Variants in ODAD2 observed in about 807,000 individuals in gnomAD.
ODAD2 encodes the protein outer dynein arm docking complex subunit 2, also known as outer dynein arm-docking complex subunit 2.
Under a neutral mutation model 106.8 loss-of-function variants are expected in ODAD2, and 89 were observed. The ratio of observed to expected loss-of-function variants is 0.83; its 90% CI spans 0.70 to 0.99. The LOEUF (loss-of-function observed/expected upper bound fraction) is 0.99, where lower values mean the gene tolerates loss of function less well. Ranked by LOEUF, ODAD2 falls within the 50% of genes least tolerant of loss-of-function variation. The probability of loss-of-function intolerance (pLI) is 0.00; values close to 1 mark genes in which losing one functional copy is unlikely to be tolerated. For missense variants in ODAD2, 1,168 were observed against 1,238.5 expected (o/e 0.94, Z 0.85); for synonymous variants, 404 against 436.2 (o/e 0.93, Z 0.92).
chr10:27,859,263 A>G (rs1010717138), intron 19 of ODAD2, among the ~76,000 whole-genome samples: 4 of 149,840 alleles, frequency 2.7e-5, no homozygotes, highest in Non-Finnish European at 4.4e-5. Flanking sequence ...CTTAGTTTAA[A>G]AGATGCTTTG....
At chr10:27,895,479 G>C (rs1199033396) in intron 17 of ODAD2, among the ~76,000 whole-genome samples, 2 of 152,126 alleles carry the variant, frequency 1.3e-5, no homozygotes, top group Non-Finnish European at 2.9e-5. Flanking sequence ...GTAGAGATGG[G>C]GTTTTGCCAT....
intron 10 of ODAD2, among the ~76,000 whole-genome samples, chr10:27,955,696 G>GGTGTGT (rs56731384): frequency 0.017 from 2,384 of 142,956 alleles, 26 homozygotes; most frequent in Middle Eastern, 0.021. Context: ...AACCAATTAA[G>GGTGTGT]GTGTGTGTGT....
chr10:27,952,352 A>G (rs1315179149), intron 10 of ODAD2, among the ~76,000 whole-genome samples: 1 of 152,068 alleles, frequency 6.6e-6, no homozygotes. Context: ...GAGAATTTAC[A>G]ACAATGGATT....
At chr10:27,908,519 A>T (rs575995499) in intron 16 of ODAD2, among the ~76,000 whole-genome samples, 1 of 152,350 alleles carries the variant, frequency 6.6e-6, no homozygotes, top group South Asian at 2.1e-4. Flanking sequence ...AGGCCAAACA[A>T]AACTTAATAA....
At chr10:27,815,187 C>T (rs1299626939) in intron 19 of ODAD2, among the ~76,000 whole-genome samples, 1 of 152,194 alleles carries the variant, frequency 6.6e-6, no homozygotes, top group Non-Finnish European at 1.5e-5. Flanking sequence ...CCAAGGCCCA[C>T]CATCCACTTG....
At chr10:27,827,735 A>G (rs1347805189) in intron 19 of ODAD2, among the ~76,000 whole-genome samples, 4 of 152,034 alleles carry the variant, frequency 2.6e-5, no homozygotes, top group Non-Finnish European at 5.9e-5. Flanking sequence ...ATCCATTCTC[A>G]AACCAGAGTA....
At chr10:27,974,599 T>C (rs1258738420) in intron 7 of ODAD2, among the ~76,000 whole-genome samples, 1 of 152,080 alleles carries the variant, frequency 6.6e-6, no homozygotes, top group African/African-American at 2.4e-5. Flanking sequence ...GTCTTCTTTA[T>C]ATGCCAGTAC....
At position 27,936,744 on chromosome 10, in the gene ODAD2, CT is replaced by C; in HGVS notation, c.2233del (p.Ser745AlafsTer21). The C allele has an allele frequency of 1.2e-6, 2 of 1,613,996 alleles. No individual in the cohort carries two copies. Among genetic ancestry groups the C allele is most frequent in the Non-Finnish European group, 1.7e-6 (2 of 1,179,918 alleles). On this transcript the variant is annotated frameshift_variant, in exon 15 of 20. Transcript: ENST00000305242. LOFTEE classifies it high-confidence loss of function. ...CTCTTACTTGGTAACATTCTCTTTGCTGATGGAACATTTCCATATAGCCCCT... is the reference window on the plus strand; with the variant it reads ...CTCTTACTTGGTAACATTCTCTTTGCGATGGAACATTTCCATATAGCCCCT... ...VTGAIWKCSISKENVTKFREY... is the reference protein window; with the variant it reads ...VTGAIWKCSIXKENVTKFREY...
At chr10:27,941,511 A>G (rs1472906803) in intron 12 of ODAD2, among the ~76,000 whole-genome samples, 1 of 150,914 alleles carries the variant, frequency 6.6e-6, no homozygotes, top group African/African-American at 2.4e-5. Flanking sequence ...AAAAAAAAAA[A>G]ACCATGAGAT....
At position 27,846,999 on chromosome 10, in the gene ODAD2, G is replaced by T. The variant is rs548902948; in HGVS notation, c.3021+13626C>A. 3.9e-5 allele frequency among the ~76,000 whole-genome samples: 6 copies of T among 152,318 alleles called. No homozygotes were observed. The East Asian group carries it at 1.2e-3, about 29-fold the overall frequency. The stretch of plus-strand genomic sequence containing the variant: ...AGCCAAATTCTACCAGAAGTACAAG[G>T]AGGAGCGGGGACCATTCCTTCTGAA... On this transcript the variant is annotated intron_variant, in intron 19 of 19. Transcript: ENST00000305242.
chr10:27,948,848 T>G (rs1847132816), intron 10 of ODAD2, among the ~76,000 whole-genome samples: 1 of 140,804 alleles, frequency 7.1e-6, no homozygotes, highest in South Asian at 2.5e-4. Context: ...TCAATTGACA[T>G]TCCTTCTGAT....
chr10:27,860,216 C>G (rs1785095694), intron 19 of ODAD2, among the ~76,000 whole-genome samples: 1 of 152,110 alleles, frequency 6.6e-6, no homozygotes, highest in African/African-American at 2.4e-5. Flanking sequence ...CTTTGGGAGG[C>G]CGAAGCAGGA....
At chr10:27,949,020 T>G (rs781651341) in intron 10 of ODAD2, among the ~76,000 whole-genome samples, 9 of 152,138 alleles carry the variant, frequency 5.9e-5, no homozygotes, top group Non-Finnish European at 1.2e-4. Flanking sequence ...AAATAAAATA[T>G]TTGAAATAAG....
At chr10:27,899,486 GA>G (rs1473967262) in intron 17 of ODAD2, among the ~76,000 whole-genome samples, 1 of 152,060 alleles carries the variant, frequency 6.6e-6, no homozygotes, top group African/African-American at 2.4e-5. Flanking sequence ...TCCTGGAAAG[GA>G]GGCTGAAGCC....
chr10:27,859,229 A>G (rs180874099), intron 19 of ODAD2, among the ~76,000 whole-genome samples: 55 of 152,072 alleles, frequency 3.6e-4, no homozygotes, highest in Middle Eastern at 6.8e-3. Flanking sequence ...TATGTTTTTT[A>G]TAGTTTACTT....
chr10:27,889,486 T>TG (rs1842430037), intron 17 of ODAD2, among the ~76,000 whole-genome samples: 1 of 152,156 alleles, frequency 6.6e-6, no homozygotes, highest in Non-Finnish European at 1.5e-5. Context: ...GTAAGAAAGC[T>TG]GGGTGGCCAG....
intron 10 of ODAD2, among the ~76,000 whole-genome samples, chr10:27,947,461 T>A (rs1402084329): frequency 2.6e-5 from 4 of 152,044 alleles, no homozygotes; most frequent in Admixed American, 1.3e-4. Context: ...TGAGACCCTG[T>A]CTCTAAAATA....
chr10:27,952,817 T>G (rs770730346), intron 10 of ODAD2, among the ~76,000 whole-genome samples: 31 of 152,208 alleles, frequency 2.0e-4, no homozygotes, highest in Non-Finnish European at 2.2e-4. Flanking sequence ...ATGTTACTGG[T>G]AGAGTGTAAA....
chr10:27,942,810 T>C (rs1225236093), intron 12 of ODAD2, among the ~76,000 whole-genome samples: 1 of 152,234 alleles, frequency 6.6e-6, no homozygotes, highest in African/African-American at 2.4e-5. Context: ...ACATTCGTTT[T>C]ATTACATATT....
Sources: gnomAD v4.1 joint callset for allele counts (sites outside exome capture counted in the v4.1 genomes callset) on GRCh38, gnomAD v4.1.1 for gene constraint, MANE v1.5 for transcripts, NCBI Gene and HGNC (gene_info 2026-07-23, HGNC 2026-07-21) for gene names.